Variants in LRRC40 observed in about 807,000 individuals in gnomAD.
LRRC40 encodes leucine rich repeat containing 40, also known as leucine-rich repeat-containing protein 40.
Under a neutral mutation model 72.8 loss-of-function variants are expected in LRRC40, and 76 were observed. The ratio of observed to expected loss-of-function variants is 1.04; its 90% confidence interval spans 0.87 to 1.26. The LOEUF (loss-of-function observed/expected upper bound fraction) is 1.26, where lower values mean the gene tolerates loss of function less well. Among genes scored for constraint, LRRC40 ranks in the 50% most tolerant of loss-of-function variants. The pLI is 0.00. For missense variants in LRRC40, 684 were observed against 698.9 expected (o/e 0.98, Z 0.24); for synonymous variants, 243 against 254.2 (o/e 0.96, Z 0.42).
chr1:70,203,454 C>T (rs575072121), intron 1 of LRRC40, among the ~76,000 whole-genome samples: 3 of 152,026 alleles, frequency 2.0e-5, no homozygotes, highest in Non-Finnish European at 2.9e-5. Flanking sequence ...AGTGCAGTGG[C>T]TATTCACAGG....
At chr1:70,157,632 T>G (rs1172236440) in intron 10 of LRRC40, among the ~76,000 whole-genome samples, 2 of 152,020 alleles carry the variant, frequency 1.3e-5, no homozygotes, top group Admixed American at 6.6e-5. Context: ...TATCTGTATA[T>G]GAGGGAATGG....
chr1:70,152,628 C>T (rs1667531664), intron 11 of LRRC40, 85 bp from the exon 12 acceptor site: 1 of 721,280 alleles, frequency 1.4e-6, no homozygotes, highest in African/African-American at 1.8e-5. Flanking sequence ...GGGGGAAATT[C>T]CTATATTTAA....
rs549294025 is a variant in LRRC40, at chr1:70,152,618, G to A, written c.1329-75C>T. On this transcript the variant is annotated intron_variant, in intron 11 of 14. Coordinates refer to ENST00000370952, the MANE Select transcript of LRRC40 (RefSeq NM_017768.5). Reference sequence around the variant, plus strand: ...ACTTCAAAACTGTAAGCAGATCAAAGGGGGAAATTCCTATATTTAACTTCT... The same window carrying A: ...ACTTCAAAACTGTAAGCAGATCAAAAGGGGAAATTCCTATATTTAACTTCT... 91 of 757,326 alleles carry A rather than the reference G, an allele frequency of 1.2e-4. No homozygotes were observed. The African/African-American group carries it at 1.5e-3, about 12-fold the overall frequency. 46.9% of individuals were successfully genotyped at this position (757,326 alleles called of 1,614,324 possible).
intron 6 of LRRC40, among the ~76,000 whole-genome samples, chr1:70,176,816 TAAAAA>T (rs569375227): frequency 6.6e-6 from 1 of 151,670 alleles, no homozygotes; most frequent in East Asian, 1.9e-4. Flanking sequence ...ATTTAAAAAA[TAAAAA>T]AAAGTTACAT....
intron 9 of LRRC40, among the ~76,000 whole-genome samples, chr1:70,163,429 C>CA (rs1667809800): frequency 6.6e-6 from 1 of 152,104 alleles, no homozygotes; most frequent in Admixed American, 6.6e-5. Flanking sequence ...TTGCCCTTTC[C>CA]AACTTCTAGT....
At chr1:70,162,006 C>T (rs1442571812) in intron 9 of LRRC40, among the ~76,000 whole-genome samples, 1 of 152,026 alleles carries the variant, frequency 6.6e-6, no homozygotes, top group Non-Finnish European at 1.5e-5. Flanking sequence ...AAGAGAGTAA[C>T]CACCTCAGAA....
In LRRC40 at chr1:70,189,213, G is replaced by A. The variant is rs1328427877; in HGVS notation, c.212C>T (p.Ser71Leu). The A allele has an allele frequency of 1.2e-5, 20 of 1,603,698 alleles. No individual in the cohort carries two copies. Among genetic ancestry groups the A allele is most frequent in the South Asian group, 6.6e-5 (6 of 90,812 alleles). Residue 71 changes from serine (S) to leucine (L), a missense_variant, in exon 2 of 15, where the codon TCG becomes TTG. By Grantham distance (145) the Ser-to-Leu change is moderately radical (BLOSUM62 -2). Coordinates refer to ENST00000370952, the MANE Select transcript of LRRC40 (RefSeq NM_017768.5). Reference sequence around the variant, plus strand: ...CCACCATCTTTCAGTAGCACCAAACGAAAGATTCTGATTAGCTTCCTCAGG... The same window carrying A: ...CCACCATCTTTCAGTAGCACCAAACAAAAGATTCTGATTAGCTTCCTCAGG... ...DIPEEANQNL[S>L]FGATERWWEQ...
At chr1:70,162,393 C>G (rs1272754700) in intron 9 of LRRC40, among the ~76,000 whole-genome samples, 1 of 152,114 alleles carries the variant, frequency 6.6e-6, no homozygotes, top group African/African-American at 2.4e-5. Context: ...CCCAGAACAG[C>G]AACATCACCC....
At chr1:70,198,364 G>A (rs1393429088) in intron 1 of LRRC40, among the ~76,000 whole-genome samples, 2 of 152,068 alleles carry the variant, frequency 1.3e-5, no homozygotes, top group African/African-American at 4.8e-5. Context: ...GTATTCTTTT[G>A]TTCCAAACTC....
At chr1:70,197,296 A>T (rs1001766135) in intron 1 of LRRC40, among the ~76,000 whole-genome samples, 5 of 150,192 alleles carry the variant, frequency 3.3e-5, no homozygotes, top group African/African-American at 7.3e-5. Flanking sequence ...ATTTTATTTT[A>T]TTTTTTTTTG....
chr1:70,170,037 C>T (rs1270466464), intron 9 of LRRC40, among the ~76,000 whole-genome samples: 2 of 152,050 alleles, frequency 1.3e-5, no homozygotes, highest in East Asian at 3.9e-4. Context: ...AATCTAGCAA[C>T]ATTTACAAAG....
At chr1:70,149,539 G>A (rs879321759) in intron 13 of LRRC40, among the ~76,000 whole-genome samples, 8 of 152,142 alleles carry the variant, frequency 5.3e-5, no homozygotes, top group Non-Finnish European at 7.4e-5. Context: ...TGATAACACG[G>A]AAGTTTAGGC....
chr1:70,156,088 C>G (rs1667630648), intron 10 of LRRC40, among the ~76,000 whole-genome samples: 1 of 152,014 alleles, frequency 6.6e-6, no homozygotes, highest in African/African-American at 2.4e-5. Flanking sequence ...ATCTACAAGT[C>G]ATATAGCAAA....
intron 9 of LRRC40, among the ~76,000 whole-genome samples, chr1:70,169,557 G>T (rs1667958192): frequency 6.6e-6 from 1 of 151,894 alleles, no homozygotes; most frequent in East Asian, 1.9e-4. Flanking sequence ...AGCTAGTGTG[G>T]CCTAGAAAAA....
chr1:70,183,922 C>T (rs1230968166), intron 4 of LRRC40, among the ~76,000 whole-genome samples: 1 of 152,070 alleles, frequency 6.6e-6, no homozygotes, highest in Non-Finnish European at 1.5e-5. Context: ...ATATGTAATG[C>T]TCAAAGATAA....
In LRRC40 at chr1:70,178,885, A is replaced by G; in HGVS notation, c.770T>C (p.Phe257Ser). The part of the protein sequence containing the change: ...LLYLRRNKLR[F>S]LPEFPSCSLL... ...ACTACAAGAAGGAAATTCTGGTAGA[A>G]AACGTAATTTATTCCTCCGCAAATA... The change falls in exon 6 of 15, where the codon TTT (phenylalanine) becomes TCT (serine). Residue 257 changes from phenylalanine (F) to serine (S), a missense_variant. By Grantham distance (155) the Phe-to-Ser change is radical. Coordinates refer to ENST00000370952, the MANE Select transcript of LRRC40 (RefSeq NM_017768.5). 2 of 1,598,182 alleles carry G rather than the reference A, an allele frequency of 1.3e-6. No homozygotes were observed. The highest frequency in any genetic ancestry group is 2.2e-5 in the South Asian group (2 of 89,362).
intron 7 of LRRC40, among the ~76,000 whole-genome samples, chr1:70,175,407 C>T (rs1668080385): frequency 6.6e-6 from 1 of 152,158 alleles, no homozygotes; most frequent in Non-Finnish European, 1.5e-5. Context: ...GTCCCAGAAT[C>T]AGTATTTTTT....
chr1:70,155,666 A>C, intron 11 of LRRC40, 23 bp downstream of exon 11: 1 of 1,128,934 alleles, frequency 8.9e-7, no homozygotes, highest in African/African-American at 1.6e-5. Context: ...CACAACCTAT[A>C]GACATGGCAT....
chr1:70,168,163 T>C (rs1443847650), intron 9 of LRRC40, among the ~76,000 whole-genome samples: 6 of 152,156 alleles, frequency 3.9e-5, no homozygotes, highest in African/African-American at 1.4e-4. Context: ...GAGAGGAGTG[T>C]CAGCATTTCT....
Sources: allele counts gnomAD v4.1 joint callset (sites outside exome capture counted in the v4.1 genomes callset), GRCh38; gene constraint gnomAD v4.1.1; transcripts MANE v1.5; gene names NCBI Gene and HGNC (gene_info 2026-07-23, HGNC 2026-07-21).